CNGA1: variants seen among roughly 807,000 people sequenced by gnomAD.
The protein encoded by CNGA1 is cyclic nucleotide-gated channel alpha-1.
Under a neutral mutation model 69.7 loss-of-function variants are expected in CNGA1, and 53 were observed. The observed-to-expected ratio is 0.76, with a 90% CI of 0.61 to 0.96. CNGA1 has a LOEUF of 0.96. CNGA1 is among the 40% of genes least tolerant of loss of function. The probability of loss-of-function intolerance (pLI) is 0.00; values close to 1 mark genes in which losing one functional copy is unlikely to be tolerated. For synonymous variants in CNGA1, 249 were observed against 283.5 expected, an observed-to-expected ratio of 0.88 and a Z score of 1.22; for missense variants, 739 against 811.2, an observed-to-expected ratio of 0.91 and a Z score of 1.08.
intron 1 of CNGA1, 87 bp downstream of exon 1, chr4:48,016,396 C>G (rs1461512392): frequency 5.5e-6 from 1 of 183,316 alleles, no homozygotes; most frequent in East Asian, 1.6e-4. Flanking sequence ...CAGCAGGGCT[C>G]TCTCTAGCGG....
At chr4:47,961,212 T>C (rs1740415706) in intron 3 of CNGA1, among the ~76,000 whole-genome samples, 1 of 152,210 alleles carries the variant, frequency 6.6e-6, no homozygotes, top group South Asian at 2.1e-4. Flanking sequence ...TAAGATACAT[T>C]GAGTTATCTC....
intron 3 of CNGA1, among the ~76,000 whole-genome samples, chr4:47,974,880 T>C (rs1229509927): frequency 6.6e-6 from 1 of 152,146 alleles, no homozygotes; most frequent in Non-Finnish European, 1.5e-5. Flanking sequence ...TGTGAAACCC[T>C]GACAAAAAAA....
chr4:47,957,769 A>G (rs1378814196), intron 3 of CNGA1, among the ~76,000 whole-genome samples: 3 of 152,254 alleles, frequency 2.0e-5, no homozygotes, highest in Non-Finnish European at 4.4e-5. Context: ...CCCACCAGAT[A>G]TAGAACTGAA....
At chr4:47,965,136 C>G (rs1740651097) in intron 3 of CNGA1, among the ~76,000 whole-genome samples, 2 of 152,100 alleles carry the variant, frequency 1.3e-5, no homozygotes, top group African/African-American at 4.8e-5. Flanking sequence ...TCTGTTATAA[C>G]TATCTTAACG....
chr4:48,012,854 C>CT (rs1715229694), intron 1 of CNGA1: 1 of 152,066 alleles, frequency 6.6e-6, no homozygotes, highest in Admixed American at 6.5e-5. Flanking sequence ...TTAATCTTAA[C>CT]TTTAACCAAG....
rs530208903 is a variant in CNGA1, at chr4:47,949,867, G to C, written c.253C>G (p.Leu85Val). Residue 85 changes from leucine to valine, a missense_variant, in exon 6 of 11, where the codon CTT (leucine) becomes GTT (valine). Coordinates refer to ENST00000514170, the MANE Select transcript of CNGA1 (RefSeq NM_001379270.1). ...REQYLPGAIA[L>V]FNVNNSSNKD... ...TTGCTGCTGTTGTTCACATTAAAAA[G>C]TGCAATGGCACCAGGCAGGTACTGC... 11 of 1,613,834 alleles carry C rather than the reference G, an allele frequency of 6.8e-6. No individual in the cohort carries two copies. In the South Asian group the frequency reaches 9.9e-5, roughly 14 times the overall value.
rs1188937519 is a variant in CNGA1, at chr4:47,937,336, C to T, written c.1146G>A (p.Val382=). The T allele has an allele frequency of 6.2e-7, 1 of 1,614,056 alleles. No individual in the cohort carries two copies. The highest frequency in any genetic ancestry group is 2.2e-5 in the East Asian group (1 of 44,882). ...VFVVVDFLIG[V]LIFATIVGNI... is the part of the protein sequence containing the mutation. ...TACCAACGATGGTAGCAAAAATTAA[C>T]ACTCCAATTAGGAAATCAACCACCA... The change falls in exon 11 of 11, where the codon GTG becomes GTA. Residue 382 remains valine, a synonymous_variant. Coordinates refer to ENST00000514170, the MANE Select transcript of CNGA1 (RefSeq NM_001379270.1).
chr4:48,011,996 T>C (rs753199448), intron 1 of CNGA1, among the ~76,000 whole-genome samples: 4 of 152,240 alleles, frequency 2.6e-5, no homozygotes, highest in Admixed American at 2.0e-4. Context: ...TCTAGCTATG[T>C]TAACAGAGAT....
At chr4:47,961,640 A>G (rs1008504015) in intron 3 of CNGA1, among the ~76,000 whole-genome samples, 5 of 152,134 alleles carry the variant, frequency 3.3e-5, no homozygotes, top group Admixed American at 1.3e-4. Context: ...GCTATTCAGG[A>G]GGCTGAGGTG....
At chr4:48,012,388 A>G (rs1373946812) in intron 1 of CNGA1, among the ~76,000 whole-genome samples, 1 of 152,142 alleles carries the variant, frequency 6.6e-6, no homozygotes, top group African/African-American at 2.4e-5. Flanking sequence ...AAACAAAGGC[A>G]CAACCTTAGC....
intron 1 of CNGA1, chr4:48,012,965 A>AC (rs934109949): frequency 2.3e-4 from 35 of 152,154 alleles, no homozygotes; most frequent in African/African-American, 6.8e-4. Context: ...CAAAAAAAAA[A>AC]ACACTCCTTT....
rs368784360 is a variant in CNGA1, at chr4:47,951,609, G to A, written c.108-140C>T. The A allele has an allele frequency of 2.2e-5, 15 of 682,816 alleles. No homozygotes were observed. In the African/African-American group the frequency reaches 2.7e-4, roughly 12 times the overall value. 42.3% of individuals were successfully genotyped at this position (682,816 alleles called of 1,614,324 possible). On this transcript the variant is annotated intron_variant, in intron 4 of 10. Transcript: ENST00000514170. The stretch of plus-strand genomic sequence containing the variant: ...TAACACACATAACAATTTTTAGTTA[G>A]CATAAAGTTAGAACTATACAAAATA...
chr4:47,947,314 G>A (rs994526305), intron 6 of CNGA1, among the ~76,000 whole-genome samples: 1 of 152,298 alleles, frequency 6.6e-6, no homozygotes, highest in East Asian at 1.9e-4. Flanking sequence ...GGTCTTGAAA[G>A]TGTGAGGTTA....
At chr4:47,997,760 A>G (rs1006122523) in intron 2 of CNGA1, among the ~76,000 whole-genome samples, 3 of 152,198 alleles carry the variant, frequency 2.0e-5, no homozygotes, top group Non-Finnish European at 4.4e-5. Context: ...GTCTCAACAC[A>G]ATTTATAAAA....
intron 1 of CNGA1, among the ~76,000 whole-genome samples, chr4:48,011,753 G>A (rs1232123634): frequency 6.6e-6 from 1 of 152,160 alleles, no homozygotes; most frequent in Non-Finnish European, 1.5e-5. Context: ...GTGGGTGTGG[G>A]GGGCTTCCAG....
intron 2 of CNGA1, among the ~76,000 whole-genome samples, chr4:47,985,449 G>A (rs1220739639): frequency 1.3e-5 from 2 of 152,092 alleles, no homozygotes; most frequent in Non-Finnish European, 2.9e-5. Context: ...GCTCCCATAG[G>A]TAGCCATGAA....
chr4:47,996,225 C>G lies in CNGA1; in HGVS notation c.-123+14569G>C, dbSNP rs529559832. ...TCCTGCCTCCCATCCACCATGATCC[C>G]TCCTCTTAGGGAGTAAGTCCTCCAG... On this transcript the variant is annotated intron_variant, in intron 2 of 10. Transcript: ENST00000514170. 1.3e-3 allele frequency among the ~76,000 whole-genome samples: 196 copies of G among 152,302 alleles called. 1 individual carries two copies. The highest frequency in any genetic ancestry group is 2.0e-3 in the Non-Finnish European group (137 of 68,014).
intron 1 of CNGA1, among the ~76,000 whole-genome samples, chr4:48,011,250 C>T (rs778949350): frequency 1.2e-4 from 18 of 149,844 alleles, no homozygotes; most frequent in Non-Finnish European, 2.5e-4. Context: ...TCGTGTCTCT[C>T]AGTTGCAATA....
Position 47,943,425 on chromosome 4 carries a change from A to G in CNGA1, c.288-13T>C. On this transcript the variant is annotated splice_polypyrimidine_tract_variant and intron_variant, in intron 6 of 10. Coordinates refer to ENST00000514170, the MANE Select transcript of CNGA1 (RefSeq NM_001379270.1). ...TTCTTCTGGTTCCCTAAAGAAAAAA[A>G]TAATATATCTGTCACATAATCACAG... The G allele has an allele frequency of 7.2e-7, 1 of 1,391,686 alleles. No individual in the cohort carries two copies. The highest frequency in any genetic ancestry group is 9.7e-7 in the Non-Finnish European group (1 of 1,026,430). The allele number at this position is 1,391,686 out of a possible 1,614,324, so 86.2% of individuals were successfully genotyped here.
Sources: allele counts gnomAD v4.1 joint callset (sites outside exome capture counted in the v4.1 genomes callset), GRCh38; gene constraint gnomAD v4.1.1; transcripts MANE v1.5; gene names NCBI Gene and HGNC (gene_info 2026-07-23, HGNC 2026-07-21).